CAVIN2: variants seen among roughly 807,000 people sequenced by gnomAD.
CAVIN2 encodes the protein caveolae-associated protein 2.
Under a neutral mutation model 11.7 loss-of-function variants are expected in CAVIN2, and 13 were observed. The observed-to-expected ratio is 1.11, with a 90% confidence interval of 0.72 to 1.77. The LOEUF is 1.77. Ranked by LOEUF, CAVIN2 falls within the 40% of genes most tolerant of loss-of-function variation. CAVIN2 has a pLI of 0.00. For missense variants in CAVIN2, 549 were observed against 542.9 expected, an observed-to-expected ratio of 1.01 and a Z score of -0.11; for synonymous variants, 237 against 223.2, an observed-to-expected ratio of 1.06 and a Z score of -0.55.
rs1012458953 is a variant in CAVIN2 at position 191,835,918 on chromosome 2, T to A, written c.*5A>T. The A allele has an allele frequency of 3.1e-6, 5 of 1,608,058 alleles. No individual in the cohort carries two copies. The East Asian group carries it at 8.9e-5, about 29-fold the overall frequency. ...ACAGCACAGGATGGCACGGTGGCTCTAAGCTCAGGAGGTCTGGTGCACCTG... is the reference window on the plus strand; with the variant it reads ...ACAGCACAGGATGGCACGGTGGCTCAAAGCTCAGGAGGTCTGGTGCACCTG... On this transcript the variant is annotated 3_prime_UTR_variant, in exon 2 of 2. Coordinates refer to ENST00000304141, the MANE Select transcript of CAVIN2 (RefSeq NM_004657.6).
intron 1 of CAVIN2, among the ~76,000 whole-genome samples, chr2:191,838,574 C>A (rs1690052558): frequency 6.6e-6 from 1 of 152,138 alleles, no homozygotes; most frequent in African/African-American, 2.4e-5. Context: ...AGTGTCCAGG[C>A]CATAGTAAAA....
intron 1 of CAVIN2, among the ~76,000 whole-genome samples, chr2:191,843,250 C>T (rs961995308): frequency 3.9e-5 from 6 of 152,192 alleles, no homozygotes; most frequent in South Asian, 4.1e-4. Context: ...CTGTAGATTT[C>T]GGCGGGCTCA....
intron 1 of CAVIN2, among the ~76,000 whole-genome samples, chr2:191,845,407 A>C (rs999701450): frequency 1.3e-5 from 2 of 152,270 alleles, no homozygotes; most frequent in Admixed American, 6.5e-5. Flanking sequence ...TTCACAATCA[A>C]ACTGTTGGTT....
rs937702859 is a variant in CAVIN2 at position 191,834,704 on chromosome 2, C to T, written c.*1219G>A. The T allele has an allele frequency of 1.3e-5, 2 of 151,960 alleles. No homozygotes were observed. The highest frequency in any genetic ancestry group is 1.3e-4 in the Admixed American group (2 of 15,270). The allele number at this position is 151,960 out of a possible 1,614,324, so 9.4% of individuals were successfully genotyped here. ...TACATATACATAAAACGCTAGCATG[C>T]TTTAAGAAGTTAAGAAATATTAATA... On this transcript the variant is annotated 3_prime_UTR_variant, in exon 2 of 2. Coordinates refer to ENST00000304141, the MANE Select transcript of CAVIN2 (RefSeq NM_004657.6).
chr2:191,838,716 G>A (rs886505344), intron 1 of CAVIN2, among the ~76,000 whole-genome samples: 11 of 152,216 alleles, frequency 7.2e-5, no homozygotes, highest in Middle Eastern at 3.2e-3. Context: ...TACTCCCCAT[G>A]AGGGCAGGGA....
rs146270652 is a variant in CAVIN2, at chr2:191,846,755, C to T, written c.171G>A (p.Thr57=). 1.2e-6 allele frequency: 2 copies of T among 1,614,076 alleles called. No individual in the cohort carries two copies. The highest frequency in any genetic ancestry group is 1.7e-5 in the Admixed American group (1 of 60,012). Residue 57 remains threonine (T), a synonymous_variant, in exon 1 of 2, where the codon ACG becomes ACA. Coordinates refer to ENST00000304141, the MANE Select transcript of CAVIN2 (RefSeq NM_004657.6). ...CCAGCTTGTCCAGGAGCGTGAGCAC[C>T]GTGACTGCGTTCACCTGTGAGTTGT... ...IRDNSQVNAV[T]VLTLLDKLVN...
intron 1 of CAVIN2, among the ~76,000 whole-genome samples, chr2:191,844,283 A>G (rs1308415775): frequency 6.6e-6 from 1 of 152,226 alleles, no homozygotes; most frequent in East Asian, 1.9e-4. Context: ...TGGCATAATT[A>G]CTACTCTGGG....
chr2:191,844,889 A>T (rs1357713872), intron 1 of CAVIN2, among the ~76,000 whole-genome samples: 2 of 152,214 alleles, frequency 1.3e-5, no homozygotes, highest in East Asian at 3.8e-4. Flanking sequence ...CTCCTCCTTA[A>T]CTGAGGGATG....
chr2:191,846,690 A>G lies in CAVIN2; in HGVS notation c.236T>C (p.Met79Thr). 6.2e-7 allele frequency: 1 copy of G among 1,614,114 alleles called. No homozygotes were observed. Among genetic ancestry groups the G allele is most frequent in the Non-Finnish European group, 8.5e-7 (1 of 1,180,024 alleles). ...CTCCAAACTGATCTGTCGCTGCTCCATCTTGTGCTGGTTCTCCTGCACAGC... is the reference window on the plus strand; with the variant it reads ...CTCCAAACTGATCTGTCGCTGCTCCGTCTTGTGCTGGTTCTCCTGCACAGC... ...LDAVQENQHK[M>T]EQRQISLEGS... The change falls in exon 1 of 2, where the codon ATG (methionine) becomes ACG (threonine). Residue 79 changes from methionine to threonine, a missense_variant. Coordinates refer to ENST00000304141, the MANE Select transcript of CAVIN2 (RefSeq NM_004657.6).
rs938695978 is a variant in CAVIN2 at position 191,834,886 on chromosome 2, A to G, written c.*1037T>C. The G allele has an allele frequency of 4.0e-5, 6 of 148,312 alleles. No homozygotes were observed. The highest frequency in any genetic ancestry group is 1.2e-4 in the African/African-American group (5 of 40,804). 9.2% of individuals were successfully genotyped at this position (148,312 alleles called of 1,614,324 possible). ...ACATGGAATGTAAGGGTTAGTTTAAATTTGAAGAGCATTAAAGAATAGTAT... is the reference window on the plus strand; with the variant it reads ...ACATGGAATGTAAGGGTTAGTTTAAGTTTGAAGAGCATTAAAGAATAGTAT... On this transcript the variant is annotated 3_prime_UTR_variant, in exon 2 of 2. Coordinates refer to ENST00000304141, the MANE Select transcript of CAVIN2 (RefSeq NM_004657.6).
intron 1 of CAVIN2, among the ~76,000 whole-genome samples, chr2:191,841,716 A>T (rs900959909): frequency 6.6e-6 from 1 of 152,196 alleles, no homozygotes; most frequent in Admixed American, 6.5e-5. Context: ...ATAGATATAG[A>T]TTACAAAGCA....
rs770091706 is a variant in CAVIN2, at chr2:191,836,342, T to C, written c.859A>G (p.Ser287Gly). ...AGGGGAGAAACCTTGAAGGGGGAGC[T>C]TTTTCCTGAGGATATTTTCTGGTGA... ...SNHQKISSGKSSPFKVSPLTF... is the reference protein window; with the variant it reads ...SNHQKISSGKGSPFKVSPLTF... The change falls in exon 2 of 2, where the codon AGC becomes GGC. Residue 287 changes from serine (S) to glycine (G), a missense_variant. Transcript: ENST00000304141. The C allele has an allele frequency of 6.2e-7, 1 of 1,613,816 alleles. No individual in the cohort carries two copies. The highest frequency in any genetic ancestry group is 8.5e-7 in the Non-Finnish European group (1 of 1,179,786).
rs1372545605 is a variant in CAVIN2, at chr2:191,836,557, A to T, written c.644T>A (p.Leu215Gln). 22 of 1,613,954 alleles carry T rather than the reference A, an allele frequency of 1.4e-5. No individual in the cohort carries two copies. The highest frequency in any genetic ancestry group is 1.9e-5 in the Non-Finnish European group (22 of 1,180,026). ...DDDLPHDEEALEDSAEEKVEE... is the reference protein window; with the variant it reads ...DDDLPHDEEAQEDSAEEKVEE... ...CACCTTTTCCTCGGCACTGTCTTCC[A>T]GGGCCTCCTCATCGTGGGGCAAATC... is the stretch of plus-strand genomic sequence containing the variant. The change falls in exon 2 of 2, where the codon CTG becomes CAG. Residue 215 changes from leucine to glutamine, a missense_variant. Leu to Gln is a moderately radical substitution (Grantham distance 113). Transcript: ENST00000304141.
chr2:191,836,931 T>C (rs1690031123), intron 1 of CAVIN2, among the ~76,000 whole-genome samples: 1 of 152,150 alleles, frequency 6.6e-6, no homozygotes, highest in African/African-American at 2.4e-5. Context: ...GTTGGGAATA[T>C]CAGGAGGACA....
intron 1 of CAVIN2, among the ~76,000 whole-genome samples, chr2:191,842,933 C>G (rs1333502022): frequency 6.6e-6 from 1 of 152,338 alleles, no homozygotes; most frequent in East Asian, 1.9e-4. Flanking sequence ...CCTATAATCC[C>G]AGCACTTTGG....
chr2:191,847,050 G>T lies in CAVIN2; in HGVS notation c.-125C>A. ...GCTCAGGGCACCAGTCTCCAGGACT[G>T]GCAGAGGTTCAGACAGGCAACAACT... On this transcript the variant is annotated 5_prime_UTR_variant, in exon 1 of 2. Coordinates refer to ENST00000304141, the MANE Select transcript of CAVIN2 (RefSeq NM_004657.6). The T allele has an allele frequency of 7.7e-7, 1 of 1,298,638 alleles. No individual in the cohort carries two copies. Among genetic ancestry groups the T allele is most frequent in the Non-Finnish European group, 1.0e-6 (1 of 959,360 alleles). 80.4% of individuals were successfully genotyped at this position (1,298,638 alleles called of 1,614,324 possible).
rs779526446 is a variant in CAVIN2 at position 191,836,490 on chromosome 2, C to T, written c.711G>A (p.Lys237=). The T allele has an allele frequency of 1.2e-6, 2 of 1,614,166 alleles. No individual in the cohort carries two copies. Among genetic ancestry groups the T allele is most frequent in the Non-Finnish European group, 1.7e-6 (2 of 1,180,036 alleles). Residue 237 remains lysine, a synonymous_variant, in exon 2 of 2, where the codon AAG becomes AAA. Transcript: ENST00000304141. Reference sequence around the variant, plus strand: ...ATGCTTTCTTGAGGCTATCCACTTTCTTCAGGCTGGATCTTTTTATTTTCT... The same window carrying T: ...ATGCTTTCTTGAGGCTATCCACTTTTTTCAGGCTGGATCTTTTTATTTTCT... ...RAEKIKRSSL[K]KVDSLKKAFS... is the part of the protein sequence containing the mutation.
intron 1 of CAVIN2, among the ~76,000 whole-genome samples, 172 bp downstream of exon 1, chr2:191,846,270 CT>C (rs1198357547): frequency 6.6e-6 from 1 of 152,236 alleles, no homozygotes; most frequent in Non-Finnish European, 1.5e-5. Context: ...ATTCCCACCC[CT>C]GTGTGAAGAT....
chr2:191,840,597 T>C (rs1257448379), intron 1 of CAVIN2, among the ~76,000 whole-genome samples: 1 of 152,240 alleles, frequency 6.6e-6, no homozygotes, highest in East Asian at 1.9e-4. Flanking sequence ...TTGTTTGCTG[T>C]TCATATCGAT....
Sources: gnomAD v4.1 joint callset for allele counts (sites outside exome capture counted in the v4.1 genomes callset) on GRCh38, gnomAD v4.1.1 for gene constraint, MANE v1.5 for transcripts, NCBI Gene and HGNC (gene_info 2026-07-23, HGNC 2026-07-21) for gene names.